The following EFNA5 variants were observed in gnomAD, a reference collection of about 807,000 sequenced individuals.
EFNA5 encodes the protein ephrin A5.
A neutral mutation model predicts 22.9 loss-of-function variants in EFNA5; 5 were observed. The observed-to-expected ratio is 0.22, with a 90% CI of 0.11 to 0.46. The LOEUF (loss-of-function observed/expected upper bound fraction) is 0.46. Among genes scored for constraint, EFNA5 ranks in the 20% least tolerant of loss-of-function variants. The pLI is 0.99. For synonymous variants in EFNA5, 113 were observed against 112.2 expected, an observed-to-expected ratio of 1.01 and a Z score of -0.04; for missense variants, 237 against 293.3, an observed-to-expected ratio of 0.81 and a Z score of 1.40.
intron 2 of EFNA5, among the ~76,000 whole-genome samples, chr5:107,417,268 C>A (rs1287920844): frequency 6.6e-6 from 1 of 152,134 alleles, no homozygotes; most frequent in Non-Finnish European, 1.5e-5. Context: ...CAATTCCCAA[C>A]AATAATAGAC....
chr5:107,559,538 C>T (rs770757904), intron 1 of EFNA5, among the ~76,000 whole-genome samples: 7 of 152,190 alleles, frequency 4.6e-5, no homozygotes, highest in Non-Finnish European at 8.8e-5. Flanking sequence ...TAATTCATAA[C>T]GAATGCTAAC....
intron 1 of EFNA5, among the ~76,000 whole-genome samples, chr5:107,624,092 A>G (rs1378898245): frequency 1.3e-5 from 2 of 152,148 alleles, no homozygotes; most frequent in African/African-American, 4.8e-5. Context: ...GGATTTTACA[A>G]TATCACTAAG....
At chr5:107,587,187 A>C (rs1561441370) in intron 1 of EFNA5, among the ~76,000 whole-genome samples, 2 of 152,174 alleles carry the variant, frequency 1.3e-5, no homozygotes, top group Admixed American at 1.3e-4. Flanking sequence ...TGACATATAA[A>C]AATTCTCGAT....
intron 1 of EFNA5, among the ~76,000 whole-genome samples, chr5:107,587,601 C>T (rs1019964510): frequency 6.6e-6 from 1 of 152,170 alleles, no homozygotes; most frequent in African/African-American, 2.4e-5. Flanking sequence ...ACTGCAAGCT[C>T]CGCCTCCCGG....
intron 1 of EFNA5, among the ~76,000 whole-genome samples, chr5:107,560,062 T>A (rs1748503545): frequency 1.3e-5 from 2 of 152,172 alleles, no homozygotes; most frequent in East Asian, 3.8e-4. Context: ...AGTATTAGGG[T>A]AGTTATATAA....
At chr5:107,603,669 C>T (rs1048998967) in intron 1 of EFNA5, among the ~76,000 whole-genome samples, 3 of 152,256 alleles carry the variant, frequency 2.0e-5, no homozygotes, top group East Asian at 1.9e-4. Flanking sequence ...TGGTAAAGTA[C>T]GTTTACTGAG....
At chr5:107,479,186 G>A (rs1475431161) in intron 1 of EFNA5, among the ~76,000 whole-genome samples, 1 of 152,168 alleles carries the variant, frequency 6.6e-6, no homozygotes, top group African/African-American at 2.4e-5. Flanking sequence ...GGGTATTCGT[G>A]TTTAAACAAG....
At chr5:107,600,490 CTT>C (rs760418289) in intron 1 of EFNA5, among the ~76,000 whole-genome samples, 23 of 144,008 alleles carry the variant, frequency 1.6e-4, no homozygotes, top group Non-Finnish European at 1.7e-4. Context: ...AAATGTTTCT[CTT>C]TTTTTTTTTT....
At chr5:107,437,986 A>G (rs1749160406) in intron 1 of EFNA5, among the ~76,000 whole-genome samples, 1 of 152,204 alleles carries the variant, frequency 6.6e-6, no homozygotes, top group East Asian at 1.9e-4. Context: ...TAAGTCCTCT[A>G]TTCAATTACC....
At position 107,379,399 on chromosome 5, in the gene EFNA5, T is replaced by A. The variant is rs1322545286; in HGVS notation, c.*1856A>T. 6.6e-6 allele frequency: 1 copy of A among 152,174 alleles called. No individual in the cohort carries two copies. The highest frequency in any genetic ancestry group is 1.5e-5 in the Non-Finnish European group (1 of 68,024). The allele number at this position is 152,174 out of a possible 1,614,324, so 9.4% of individuals were successfully genotyped here. A position where few individuals can be genotyped will look rare whatever the true frequency, so the allele number is the denominator to read the frequency against. On this transcript the variant is annotated 3_prime_UTR_variant, in exon 5 of 5. Transcript: ENST00000333274. ...GAAGTCTGTCCATAATGCGACCTTC[T>A]CTTTTTTTAACATATACATCTTAAA...
chr5:107,407,534 CA>C (rs1413727195), intron 2 of EFNA5, among the ~76,000 whole-genome samples: 1 of 152,092 alleles, frequency 6.6e-6, no homozygotes, highest in Non-Finnish European at 1.5e-5. Flanking sequence ...GGGCCAGGGA[CA>C]CTTATCAAAA....
At chr5:107,457,857 C>A (rs12659194) in intron 1 of EFNA5, among the ~76,000 whole-genome samples, 5 of 152,164 alleles carry the variant, frequency 3.3e-5, no homozygotes, top group African/African-American at 1.2e-4. Flanking sequence ...CACATAGGAG[C>A]AGCAACTATG....
At chr5:107,631,236 T>C (rs537307222) in intron 1 of EFNA5, among the ~76,000 whole-genome samples, 1 of 149,066 alleles carries the variant, frequency 6.7e-6, no homozygotes, top group African/African-American at 2.5e-5. Context: ...AAAAACATTG[T>C]TACATAGGGC....
At chr5:107,637,518 CTGTGTG>C (rs987029187) in intron 1 of EFNA5, among the ~76,000 whole-genome samples, 8 of 143,496 alleles carry the variant, frequency 5.6e-5, no homozygotes, top group African/African-American at 2.1e-4. Context: ...GTGTGTGTGT[CTGTGTG>C]TGTGTGTGTG....
At chr5:107,599,937 G>A (rs1561445746) in intron 1 of EFNA5, among the ~76,000 whole-genome samples, 1 of 152,220 alleles carries the variant, frequency 6.6e-6, no homozygotes. Context: ...GTCCAAAGCA[G>A]CAGCTTCCCT....
intron 1 of EFNA5, among the ~76,000 whole-genome samples, chr5:107,527,007 A>T (rs1747708687): frequency 6.6e-6 from 1 of 152,204 alleles, no homozygotes; most frequent in Non-Finnish European, 1.5e-5. Context: ...TATTAGCCAC[A>T]AAATGCCAGA....
At chr5:107,487,836 C>T (rs1243680162) in intron 1 of EFNA5, among the ~76,000 whole-genome samples, 1 of 152,190 alleles carries the variant, frequency 6.6e-6, no homozygotes, top group Non-Finnish European at 1.5e-5. Flanking sequence ...GTTTGTATAA[C>T]AGGTGCCAAC....
At chr5:107,547,765 C>A (rs1356392411) in intron 1 of EFNA5, among the ~76,000 whole-genome samples, 1 of 152,076 alleles carries the variant, frequency 6.6e-6, no homozygotes, top group Non-Finnish European at 1.5e-5. Flanking sequence ...CAAGAGGTGA[C>A]TTTGTAAGAC....
chr5:107,537,848 T>C (rs541909809), intron 1 of EFNA5, among the ~76,000 whole-genome samples: 21 of 152,276 alleles, frequency 1.4e-4, no homozygotes, highest in South Asian at 1.0e-3. Flanking sequence ...ACTATGGTCG[T>C]GAGACCTCAG....
Sources: allele counts gnomAD v4.1 joint callset (sites outside exome capture counted in the v4.1 genomes callset), GRCh38; gene constraint gnomAD v4.1.1; transcripts MANE v1.5; gene names NCBI Gene and HGNC (gene_info 2026-07-23, HGNC 2026-07-21).